The following SLC12A1 variants were observed in gnomAD, a reference collection of about 807,000 sequenced individuals.
SLC12A1 encodes the protein solute carrier family 12 member 1, also known as Na-K-2Cl cotransporter.
In SLC12A1, 89 loss-of-function variants were observed where a neutral mutation model predicts 130.4. The ratio of observed to expected loss-of-function variants is 0.68; its 90% CI spans 0.58 to 0.81. The LOEUF is 0.81. Ranked by LOEUF, SLC12A1 falls within the 40% of genes least tolerant of loss-of-function variation. The probability of loss-of-function intolerance (pLI) is 0.00; values close to 1 mark genes in which losing one functional copy is unlikely to be tolerated. For missense variants in SLC12A1, 1,310 were observed against 1,336.4 expected (o/e 0.98, Z 0.31); for synonymous variants, 499 against 460.0 (o/e 1.08, Z -1.09).
At chr15:48,257,214 G>T (rs2041717725) in intron 16 of SLC12A1, among the ~76,000 whole-genome samples, 2 of 152,302 alleles carry the variant, frequency 1.3e-5, no homozygotes, top group African/African-American at 4.8e-5. Flanking sequence ...GAGCAGCTCT[G>T]CCCCTGTGGC....
intron 21 of SLC12A1, 75 bp downstream of exon 21, chr15:48,285,324 T>A: frequency 6.9e-7 from 1 of 1,444,414 alleles, no homozygotes; most frequent in East Asian, 2.3e-5. Flanking sequence ...GAGTCCGAAG[T>A]CAGCATCTAA....
chr15:48,240,846 A>G (rs1027629643), intron 9 of SLC12A1, among the ~76,000 whole-genome samples: 6 of 152,208 alleles, frequency 3.9e-5, no homozygotes, highest in African/African-American at 1.4e-4. Context: ...AGGATATACA[A>G]TGGTAAATTA....
At chr15:48,239,859 T>C (rs531898904) in intron 9 of SLC12A1, among the ~76,000 whole-genome samples, 99 of 151,532 alleles carry the variant, frequency 6.5e-4, no homozygotes, top group African/African-American at 2.3e-3. Context: ...CCATGTTGGC[T>C]AGGCTGCTCT....
chr15:48,214,359 A>G (rs1165522526), intron 2 of SLC12A1, among the ~76,000 whole-genome samples: 1 of 152,232 alleles, frequency 6.6e-6, no homozygotes, highest in East Asian at 1.9e-4. Context: ...TTAAACTTAT[A>G]CTTGGAAAAT....
intron 2 of SLC12A1, among the ~76,000 whole-genome samples, chr15:48,219,487 T>A (rs1020814835): frequency 6.6e-6 from 1 of 151,144 alleles, no homozygotes; most frequent in African/African-American, 2.4e-5. Flanking sequence ...ATCCAGGAGG[T>A]GGAGGTTGCA....
chr15:48,244,210 C>T (rs2041551158), intron 10 of SLC12A1, among the ~76,000 whole-genome samples: 1 of 152,104 alleles, frequency 6.6e-6, no homozygotes, highest in South Asian at 2.1e-4. Flanking sequence ...AGTATTTTAT[C>T]CTAAAACATT....
chr15:48,285,064 G>T (rs552550963), intron 20 of SLC12A1, 42 bp from the exon 21 acceptor site: 3 of 1,452,454 alleles, frequency 2.1e-6, no homozygotes, highest in South Asian at 3.0e-5. Context: ...TAGAAACTTT[G>T]TAGTTCTGAG....
chr15:48,279,274 G>C (rs1220123703), intron 20 of SLC12A1, among the ~76,000 whole-genome samples: 1 of 152,130 alleles, frequency 6.6e-6, no homozygotes, highest in African/African-American at 2.4e-5. Flanking sequence ...CCTAATAAGG[G>C]CCTAATAAAT....
intron 20 of SLC12A1, among the ~76,000 whole-genome samples, chr15:48,281,228 T>C (rs775398245): frequency 7.9e-5 from 12 of 152,176 alleles, no homozygotes; most frequent in Non-Finnish European, 1.5e-4. Context: ...ACGTCACAGA[T>C]TTGTTGTTTT....
At chr15:48,294,899 T>TTTATTTATTTATTTATTTATTTA (rs1555387189) in intron 24 of SLC12A1, among the ~76,000 whole-genome samples, 1 of 147,354 alleles carries the variant, frequency 6.8e-6, no homozygotes, top group Non-Finnish European at 1.5e-5. Flanking sequence ...CTTCTTTTTA[T>TTTATTTATTTATTTATTTATTTA]TTTATTTATT....
intron 17 of SLC12A1, among the ~76,000 whole-genome samples, chr15:48,261,155 TG>T (rs2041770019): frequency 6.6e-6 from 1 of 152,170 alleles, no homozygotes; most frequent in African/African-American, 2.4e-5. Flanking sequence ...ATAAGCAGTT[TG>T]GGGTGTTTTT....
intron 11 of SLC12A1, among the ~76,000 whole-genome samples, chr15:48,245,119 A>G (rs961940652): frequency 8.5e-5 from 13 of 152,232 alleles, no homozygotes; most frequent in African/African-American, 2.9e-4. Flanking sequence ...AGGCAGTGGT[A>G]TGAATTGCAT....
chr15:48,261,336 C>T (rs972307367), intron 17 of SLC12A1, among the ~76,000 whole-genome samples: 1 of 152,168 alleles, frequency 6.6e-6, no homozygotes, highest in Admixed American at 6.6e-5. Flanking sequence ...AACTATAATA[C>T]AGGAGGATAG....
chr15:48,229,049 C>A, intron 5 of SLC12A1, 140 bp from the exon 6 acceptor site: 1 of 902,446 alleles, frequency 1.1e-6, no homozygotes, highest in Non-Finnish European at 1.6e-6. Context: ...CTGGGTAACA[C>A]AGGATTCCTA....
chr15:48,211,218 C>T (rs543768681), intron 2 of SLC12A1, among the ~76,000 whole-genome samples: 22 of 152,296 alleles, frequency 1.4e-4, no homozygotes, highest in African/African-American at 4.8e-4. Flanking sequence ...ACCACAGAAT[C>T]TACAATGTGC....
chr15:48,300,931 T>G (rs2042225443), intron 25 of SLC12A1, among the ~76,000 whole-genome samples: 1 of 152,190 alleles, frequency 6.6e-6, no homozygotes, highest in Admixed American at 6.5e-5. Context: ...TGCCTCAAAC[T>G]GGCCATTCCA....
intron 18 of SLC12A1, among the ~76,000 whole-genome samples, chr15:48,268,888 G>T (rs947489338): frequency 6.6e-6 from 1 of 152,106 alleles, no homozygotes; most frequent in Non-Finnish European, 1.5e-5. Context: ...TAAAATAAGA[G>T]CAGGGAAAGA....
At chr15:48,264,087 A>G (rs78604772) in intron 17 of SLC12A1, among the ~76,000 whole-genome samples, 3,848 of 152,258 alleles carry the variant, frequency 0.025, 81 homozygotes, top group African/African-American at 0.049. Context: ...CCCAGAGGCA[A>G]TGTTATCTGA....
rs560092779 is a variant in SLC12A1, at chr15:48,230,759, AC to A, written c.975+260del. Among the ~76,000 whole-genome samples, 61 of 152,230 alleles carry A rather than the reference AC, an allele frequency of 4.0e-4. 1 individual carries two copies. Among genetic ancestry groups the A allele is most frequent in the Middle Eastern group, 6.8e-3 (2 of 292 alleles). On this transcript the variant is annotated intron_variant, in intron 7 of 26. Coordinates refer to ENST00000380993, the MANE Select transcript of SLC12A1 (RefSeq NM_000338.3). ...ACCAAGGCGGCTGCCTTATGCACAG[AC>A]CCCTTATGATCATAGCAGTGGTGCA...
Sources: gnomAD v4.1 joint callset for allele counts (sites outside exome capture counted in the v4.1 genomes callset) on GRCh38, gnomAD v4.1.1 for gene constraint, MANE v1.5 for transcripts, NCBI Gene and HGNC (gene_info 2026-07-23, HGNC 2026-07-21) for gene names.